Variants in NR1D2 observed in about 807,000 individuals in gnomAD.
NR1D2 encodes nuclear receptor subfamily 1 group D member 2.
A neutral mutation model predicts 52.2 loss-of-function variants in NR1D2; 25 were observed. The ratio of observed to expected loss-of-function variants is 0.48; its 90% CI spans 0.35 to 0.67. The LOEUF is 0.67. Ranked by LOEUF, NR1D2 falls within the 30% of genes least tolerant of loss-of-function variation. NR1D2 has a pLI of 0.01. For synonymous variants in NR1D2, 259 were observed against 230.1 expected, an observed-to-expected ratio of 1.13 and a Z score of -1.14; for missense variants, 681 against 707.2, an observed-to-expected ratio of 0.96 and a Z score of 0.42.
intron 4 of NR1D2, among the ~76,000 whole-genome samples, chr3:23,960,776 C>T (rs890755054): frequency 3.9e-5 from 6 of 152,126 alleles, no homozygotes; most frequent in African/African-American, 1.4e-4. Flanking sequence ...AACTGACAAT[C>T]ATTTGTGAAG....
At chr3:23,956,549 C>T (rs1251971662) in intron 3 of NR1D2, among the ~76,000 whole-genome samples, 1 of 151,978 alleles carries the variant, frequency 6.6e-6, no homozygotes, top group African/African-American at 2.4e-5. Flanking sequence ...CTTAATGACA[C>T]GTCAGGTACT....
At chr3:23,973,984 A>C (rs1179289804) in intron 7 of NR1D2, among the ~76,000 whole-genome samples, 1 of 151,798 alleles carries the variant, frequency 6.6e-6, no homozygotes, top group African/African-American at 2.4e-5. Context: ...GAGCAGTAAC[A>C]TGCATGAGCT....
intron 5 of NR1D2, among the ~76,000 whole-genome samples, chr3:23,964,477 TG>T (rs774038919): frequency 6.6e-6 from 1 of 152,200 alleles, no homozygotes; most frequent in Non-Finnish European, 1.5e-5. Flanking sequence ...TAAAGGAGTT[TG>T]GAAATATTAA....
At chr3:23,974,418 A>C (rs926257947) in intron 7 of NR1D2, among the ~76,000 whole-genome samples, 12 of 152,164 alleles carry the variant, frequency 7.9e-5, no homozygotes, top group Admixed American at 7.9e-4. Context: ...TTTCAGCAAC[A>C]TTATAATATT....
intron 1 of NR1D2, among the ~76,000 whole-genome samples, chr3:23,952,480 C>T (rs564513648): frequency 5.3e-5 from 8 of 151,728 alleles, no homozygotes; most frequent in East Asian, 1.9e-4. Context: ...GAGGTGGAGG[C>T]GGGCGGATCA....
intron 7 of NR1D2, among the ~76,000 whole-genome samples, chr3:23,973,830 A>C (rs1168416603): frequency 6.6e-6 from 1 of 151,908 alleles, no homozygotes; most frequent in African/African-American, 2.4e-5. Context: ...GCTTTTTTCT[A>C]TTTATAATTT....
At chr3:23,947,732 C>T (rs977820928) in intron 1 of NR1D2, among the ~76,000 whole-genome samples, 15 of 152,198 alleles carry the variant, frequency 9.9e-5, no homozygotes, top group African/African-American at 3.4e-4. Flanking sequence ...TTCTCTCGTT[C>T]ATTTGGCCTT....
chr3:23,963,650 C>T (rs1296440303), intron 5 of NR1D2, among the ~76,000 whole-genome samples: 5 of 152,080 alleles, frequency 3.3e-5, no homozygotes, highest in East Asian at 3.9e-4. Context: ...GGTTTCACCA[C>T]GTTGGCCAGG....
Position 23,954,705 on chromosome 3 carries a change from A to G in NR1D2, c.185A>G (p.Asn62Ser), listed in dbSNP as rs568010643. Residue 62 changes from asparagine to serine, a missense_variant, in exon 2 of 8, where the codon AAT becomes AGT. Asn to Ser is a conservative substitution (Grantham distance 46). Transcript: ENST00000312521. ...NGNPKNGDLA[N>S]IEGILKNDRI... ...AATCCCAAGAATGGTGATCTCGCCA[A>G]TATTGAAGGCATCTTGAAGAATGAT... The G allele has an allele frequency of 2.7e-5, 44 of 1,614,132 alleles. No homozygotes were observed. In the East Asian group the frequency reaches 2.9e-4, roughly 11 times the overall value.
intron 3 of NR1D2, among the ~76,000 whole-genome samples, chr3:23,959,158 T>G (rs1402277502): frequency 6.6e-6 from 1 of 151,522 alleles, no homozygotes; most frequent in Non-Finnish European, 1.5e-5. Flanking sequence ...GTCCCAGCTG[T>G]TTGTGAGGCT....
At position 23,977,566 on chromosome 3, in the gene NR1D2, T is replaced by TGTTC. The variant is rs1308935029; in HGVS notation, c.*149_*152dup. On this transcript the variant is annotated 3_prime_UTR_variant, in exon 8 of 8. Transcript: ENST00000312521. ...GCTATCTCTGTAATCATGCAATAGC[T>TGTTC]GTTCGGATTGAGAACTCTTCAGCCA... is the stretch of plus-strand genomic sequence containing the variant. 19 of 479,804 alleles carry TGTTC rather than the reference T, an allele frequency of 4.0e-5. No individual in the cohort carries two copies. In the East Asian group the frequency reaches 4.2e-4, roughly 11 times the overall value. The allele number at this position is 479,804 out of a possible 1,614,324, so 29.7% of individuals were successfully genotyped here.
intron 7 of NR1D2, among the ~76,000 whole-genome samples, chr3:23,974,087 C>CTT (rs1328593283): frequency 2.5e-5 from 1 of 40,170 alleles, no homozygotes; most frequent in East Asian, 5.7e-4. Context: ...TTTACAGTTA[C>CTT]CTTTTTTTTT....
In NR1D2 at chr3:23,959,417, A is replaced by C. The variant is rs1372334375; in HGVS notation, c.373-254A>C. ...AGGGGTGTTTTGGGTAAGGACAAAG[A>C]ATCTCTGAAGGGAAGAAGAATTTTG... On this transcript the variant is annotated intron_variant, in intron 3 of 7. Transcript: ENST00000312521. Among the ~76,000 whole-genome samples the C allele has an allele frequency of 7.2e-5, 11 of 152,080 alleles. No homozygotes were observed. In the East Asian group the frequency reaches 2.1e-3, roughly 29 times the overall value.
At chr3:23,971,230 T>A (rs1706580219) in intron 7 of NR1D2, among the ~76,000 whole-genome samples, 1 of 152,150 alleles carries the variant, frequency 6.6e-6, no homozygotes, top group Non-Finnish European at 1.5e-5. Flanking sequence ...ACTGGATTTC[T>A]TAACACCCTT....
intron 1 of NR1D2, among the ~76,000 whole-genome samples, chr3:23,949,079 G>A (rs1220299705): frequency 6.6e-6 from 1 of 152,028 alleles, no homozygotes; most frequent in Admixed American, 6.6e-5. Flanking sequence ...AAATAAGACC[G>A]ATTTGGCTGG....
At chr3:23,946,289 G>A (rs1705705081) in intron 1 of NR1D2, 1 of 985,394 alleles carries the variant, frequency 1.0e-6, no homozygotes, top group Non-Finnish European at 1.2e-6. Context: ...CAAACCAAAC[G>A]AACCGGCGCC....
At chr3:23,952,664 T>G (rs1281052567) in intron 1 of NR1D2, among the ~76,000 whole-genome samples, 4 of 150,830 alleles carry the variant, frequency 2.7e-5, no homozygotes, top group African/African-American at 9.8e-5. Context: ...AGGCGGAGGT[T>G]GCAGTGAGCT....
chr3:23,973,606 G>A (rs903392280), intron 7 of NR1D2, among the ~76,000 whole-genome samples: 1 of 152,126 alleles, frequency 6.6e-6, no homozygotes, highest in South Asian at 2.1e-4. Context: ...GGATATTACT[G>A]TATATGACTG....
chr3:23,950,068 C>G (rs929251162), intron 1 of NR1D2, among the ~76,000 whole-genome samples: 4 of 152,186 alleles, frequency 2.6e-5, no homozygotes, highest in African/African-American at 4.8e-5. Flanking sequence ...CAAAGAGGTA[C>G]ATACTGCCTG....
Sources: allele counts gnomAD v4.1 joint callset (sites outside exome capture counted in the v4.1 genomes callset), GRCh38; gene constraint gnomAD v4.1.1; transcripts MANE v1.5; gene names NCBI Gene and HGNC (gene_info 2026-07-23, HGNC 2026-07-21).